The following GRK5 variants were observed in gnomAD, a reference collection of about 807,000 sequenced individuals.
The protein encoded by GRK5 is g protein-coupled receptor kinase GRK5.
Under a neutral mutation model 78.4 loss-of-function variants are expected in GRK5, and 40 were observed. That is an observed-to-expected ratio of 0.51 (90% CI 0.40 to 0.66). The LOEUF (loss-of-function observed/expected upper bound fraction) is 0.66, where lower values mean the gene tolerates loss of function less well. GRK5 is among the 30% of genes least tolerant of loss of function. The probability of loss-of-function intolerance (pLI) is 0.00; values close to 1 mark genes in which losing one functional copy is unlikely to be tolerated. For missense variants in GRK5, 598 were observed against 759.9 expected, an observed-to-expected ratio of 0.79 and a Z score of 2.50; for synonymous variants, 289 against 296.8, an observed-to-expected ratio of 0.97 and a Z score of 0.27.
chr10:119,298,140 G>C (rs948721252), intron 1 of GRK5, among the ~76,000 whole-genome samples: 6 of 152,190 alleles, frequency 3.9e-5, no homozygotes, highest in Non-Finnish European at 2.9e-5. Context: ...GCTATGCTCA[G>C]CACTGTACAT....
At position 119,430,597 on chromosome 10, in the gene GRK5, G is replaced by A. The variant is rs1564932287; in HGVS notation, c.597+159G>A. Among the ~76,000 whole-genome samples the A allele has an allele frequency of 6.6e-6, 1 of 152,114 alleles. No individual in the cohort carries two copies. The highest frequency in any genetic ancestry group is 6.5e-5 in the Admixed American group (1 of 15,286). ...CAGTGAGGGTGGGAGAGAGTCAGTG[G>A]CCTTGGGGCTATCAGGTGTGTCTAT... is the stretch of plus-strand genomic sequence containing the variant. On this transcript the variant is annotated intron_variant, in intron 7 of 15. Transcript: ENST00000392870. The surrounding 1 kb of genome is among the most constrained non-coding windows in gnomAD (Gnocchi z 4.5).
At chr10:119,266,958 G>A (rs190180795) in intron 1 of GRK5, among the ~76,000 whole-genome samples, 2 of 151,884 alleles carry the variant, frequency 1.3e-5, no homozygotes, top group African/African-American at 2.4e-5. Context: ...AATTATTTTT[G>A]TAGGGCTGGG....
chr10:119,425,115 G>T (rs1192119025), intron 6 of GRK5, 30 bp downstream of exon 6: 2 of 1,426,194 alleles, frequency 1.4e-6, no homozygotes, highest in South Asian at 1.1e-5. Context: ...TACAGATCAG[G>T]GAGGCAGAGG....
At position 119,423,168 on chromosome 10, in the gene GRK5, C is replaced by G. The variant is rs772677397; in HGVS notation, c.342C>G (p.Ser114=). Residue 114 remains serine (S), a splice_region_variant and synonymous_variant, in exon 5 of 16, where the codon TCC becomes TCG. Coordinates refer to ENST00000392870, the MANE Select transcript of GRK5 (RefSeq NM_005308.3). The part of the protein sequence containing the change: ...EIMTKYLTPK[S]PVFIAQVGQD... ...CTCCCTTCCCTTCCTTCTTCCAGTC[C>G]CCTGTTTTCATAGCCCAAGTTGGCC... The G allele has an allele frequency of 1.1e-5, 17 of 1,609,470 alleles. No homozygotes were observed. Among genetic ancestry groups the G allele is most frequent in the Middle Eastern group, 3.3e-4 (2 of 6,060 alleles).
intron 4 of GRK5, among the ~76,000 whole-genome samples, chr10:119,407,106 G>A (rs1190443255): frequency 6.6e-6 from 1 of 152,192 alleles, no homozygotes; most frequent in Non-Finnish European, 1.5e-5. Flanking sequence ...ATCTGTGGTT[G>A]ACAAAGCTGG....
intron 15 of GRK5, among the ~76,000 whole-genome samples, chr10:119,454,208 C>T (rs1435396673): frequency 1.3e-5 from 2 of 152,206 alleles, no homozygotes; most frequent in African/African-American, 4.8e-5. Context: ...CCCCTGATGG[C>T]CAGGCATGCT....
At chr10:119,380,301 G>C (rs529815186) in intron 2 of GRK5, among the ~76,000 whole-genome samples, 23 of 152,172 alleles carry the variant, frequency 1.5e-4, no homozygotes, top group Non-Finnish European at 1.3e-4. Context: ...CCTCCTTGAT[G>C]TGTCAGGCTC....
chr10:119,410,620 T>C (rs1373120460), intron 4 of GRK5, among the ~76,000 whole-genome samples: 1 of 152,160 alleles, frequency 6.6e-6, no homozygotes, highest in East Asian at 1.9e-4. Flanking sequence ...CTCACTTGGT[T>C]GCTCATAGCC....
At chr10:119,272,263 A>G (rs976257482) in intron 1 of GRK5, among the ~76,000 whole-genome samples, 2 of 152,176 alleles carry the variant, frequency 1.3e-5, no homozygotes, top group African/African-American at 4.8e-5. Flanking sequence ...TGTTACTCAG[A>G]GCTTTTCTCA....
intron 1 of GRK5, among the ~76,000 whole-genome samples, chr10:119,284,395 C>A (rs1728552644): frequency 6.6e-6 from 1 of 152,122 alleles, no homozygotes; most frequent in African/African-American, 2.4e-5. Context: ...ACCTTGACCT[C>A]CCAAAGTGCT....
In GRK5 at chr10:119,436,816, C is replaced by T; in HGVS notation, c.904C>T (p.Leu302Phe). ...AAEILCGLED[L>F]HRENTVYRDL... ...AGAGATCCTCTGCGGCTTAGAAGAC[C>T]TCCACCGTGAGAACACCGTCTACCG... is the stretch of plus-strand genomic sequence containing the variant. The change falls in exon 9 of 16, where the codon CTC becomes TTC. Residue 302 changes from leucine to phenylalanine, a missense_variant. Physicochemically the swap from Leu to Phe is conservative, Grantham distance 22 (BLOSUM62 0). Transcript: ENST00000392870. The T allele has an allele frequency of 1.2e-6, 2 of 1,610,464 alleles. No homozygotes were observed. Among genetic ancestry groups the T allele is most frequent in the Non-Finnish European group, 1.7e-6 (2 of 1,177,778 alleles).
intron 1 of GRK5, among the ~76,000 whole-genome samples, chr10:119,273,202 G>A (rs959113273): frequency 2.0e-5 from 3 of 152,174 alleles, no homozygotes; most frequent in Admixed American, 6.5e-5. Flanking sequence ...ATTTCCAGAA[G>A]GTGCCTCGGC....
At chr10:119,242,373 A>G (rs938365361) in intron 1 of GRK5, among the ~76,000 whole-genome samples, 9 of 151,662 alleles carry the variant, frequency 5.9e-5, no homozygotes, top group Non-Finnish European at 1.2e-4. Context: ...CATAGCTGAA[A>G]GCCCACAAGC....
At chr10:119,313,178 G>A (rs942228487) in intron 1 of GRK5, among the ~76,000 whole-genome samples, 1 of 151,538 alleles carries the variant, frequency 6.6e-6, no homozygotes, top group Non-Finnish European at 1.5e-5. Flanking sequence ...TGGTGGTGGT[G>A]ATGGTGATGA....
Position 119,452,908 on chromosome 10 carries a change from C to A in GRK5, c.1542+100C>A. 2 of 1,368,510 alleles carry A rather than the reference C, an allele frequency of 1.5e-6. No homozygotes were observed. Among genetic ancestry groups the A allele is most frequent in the Non-Finnish European group, 2.0e-6 (2 of 984,962 alleles). The allele number at this position is 1,368,510 out of a possible 1,614,324, so 84.8% of individuals were successfully genotyped here. The stretch of plus-strand genomic sequence containing the variant: ...ATGAGTTTGGCGGCAGGAGGCTGAG[C>A]GCATGGTTTCTGTTTTCTCCATGAA... On this transcript the variant is annotated intron_variant, in intron 14 of 15. Coordinates refer to ENST00000392870, the MANE Select transcript of GRK5 (RefSeq NM_005308.3). The surrounding 1 kb of genome is among the most constrained non-coding windows in gnomAD (Gnocchi z 4.4).
chr10:119,295,370 G>C (rs1490444635), intron 1 of GRK5, among the ~76,000 whole-genome samples: 1 of 151,864 alleles, frequency 6.6e-6, no homozygotes, highest in Non-Finnish European at 1.5e-5. Context: ...TTGCTGGTGG[G>C]AATGTAAACT....
Position 119,264,853 on chromosome 10 carries a change from G to C in GRK5, c.52+56884G>C, listed in dbSNP as rs528418311. 6.6e-6 allele frequency among the ~76,000 whole-genome samples: 1 copy of C among 152,190 alleles called. No individual in the cohort carries two copies. The highest frequency in any genetic ancestry group is 2.4e-5 in the African/African-American group (1 of 41,436). ...GTGCCCTGAGTAGCCTTGGCATGAC[G>C]TGCCTCACTGTCATCTGACCAATGA... On this transcript the variant is annotated intron_variant, in intron 1 of 15. Coordinates refer to ENST00000392870, the MANE Select transcript of GRK5 (RefSeq NM_005308.3). The surrounding 1 kb of genome is among the most constrained non-coding windows in gnomAD (Gnocchi z 4.1).
At chr10:119,446,780 CTTTG>C (rs1009779048) in intron 12 of GRK5, among the ~76,000 whole-genome samples, 8 of 152,168 alleles carry the variant, frequency 5.3e-5, no homozygotes, top group Non-Finnish European at 1.2e-4. Flanking sequence ...CCTTCGATTC[CTTTG>C]TTTGGGGGGC....
chr10:119,280,286 AAGTT>A (rs1023447780), intron 1 of GRK5, among the ~76,000 whole-genome samples: 2 of 152,234 alleles, frequency 1.3e-5, no homozygotes, highest in Admixed American at 1.3e-4. Flanking sequence ...TGGTGACAAA[AAGTT>A]AGTGCCGTAA....
Sources: gnomAD v4.1 joint callset for allele counts (sites outside exome capture counted in the v4.1 genomes callset) on GRCh38, gnomAD v4.1.1 for gene constraint, Gnocchi (gnomAD v3.1) non-coding constraint, MANE v1.5 for transcripts, NCBI Gene and HGNC (gene_info 2026-07-23, HGNC 2026-07-21) for gene names.